The following SUPT3H variants were observed in gnomAD, a reference collection of about 807,000 sequenced individuals.
SUPT3H encodes the protein transcription initiation protein SPT3 homolog.
Under a neutral mutation model 44.3 loss-of-function variants are expected in SUPT3H, and 44 were observed. The observed-to-expected ratio is 0.99, with a 90% CI of 0.78 to 1.28. SUPT3H has a LOEUF of 1.28. SUPT3H is among the 50% of genes most tolerant of loss of function. The pLI is 0.00. For synonymous variants in SUPT3H, 124 were observed against 125.6 expected, an observed-to-expected ratio of 0.99 and a Z score of 0.09; for missense variants, 380 against 387.1, an observed-to-expected ratio of 0.98 and a Z score of 0.15.
intron 2 of SUPT3H, among the ~76,000 whole-genome samples, chr6:45,344,374 G>A (rs1308637788): frequency 2.0e-5 from 3 of 151,618 alleles, no homozygotes; most frequent in Non-Finnish European, 4.4e-5. Context: ...CTTGCCCTTA[G>A]CTATAAACAA....
At chr6:45,059,888 G>A (rs912132931) in intron 3 of SUPT3H, among the ~76,000 whole-genome samples, 3 of 152,064 alleles carry the variant, frequency 2.0e-5, no homozygotes, top group African/African-American at 7.2e-5. Flanking sequence ...TAGCTAACAA[G>A]GGAAGTGAAG....
chr6:45,182,076 A>G (rs1357816392), intron 2 of SUPT3H, among the ~76,000 whole-genome samples: 3 of 151,906 alleles, frequency 2.0e-5, no homozygotes, highest in Non-Finnish European at 4.4e-5. Flanking sequence ...ACCTTAATAA[A>G]TTTTTATGCA....
At chr6:44,961,859 A>C in intron 6 of SUPT3H, 31 bp from the exon 7 acceptor site, 1 of 1,505,558 alleles carries the variant, frequency 6.6e-7, no homozygotes, top group Non-Finnish European at 9.1e-7. Flanking sequence ...ACATTTTTTA[A>C]AGCAAGCAGA....
chr6:44,970,867 TC>T (rs1183170724), intron 6 of SUPT3H, among the ~76,000 whole-genome samples: 2 of 152,232 alleles, frequency 1.3e-5, no homozygotes, highest in African/African-American at 4.8e-5. Flanking sequence ...GAACTGCAGA[TC>T]TTTCCATCTT....
chr6:44,964,536 C>G (rs72865980), intron 6 of SUPT3H, among the ~76,000 whole-genome samples: 2,217 of 152,228 alleles, frequency 0.015, 25 homozygotes, highest in South Asian at 0.029. Context: ...GTTAAGGTTG[C>G]CAGGATTGCC....
intron 3 of SUPT3H, among the ~76,000 whole-genome samples, chr6:45,084,654 A>G (rs1223171755): frequency 2.0e-5 from 3 of 152,166 alleles, no homozygotes; most frequent in African/African-American, 7.2e-5. Flanking sequence ...CCAAAACCAC[A>G]CATGCACTCA....
intron 2 of SUPT3H, among the ~76,000 whole-genome samples, chr6:45,210,129 A>C (rs1238363060): frequency 6.6e-5 from 10 of 152,202 alleles, no homozygotes; most frequent in Non-Finnish European, 1.5e-5. Context: ...ACTGGAAAGG[A>C]AAATAAATCT....
intron 3 of SUPT3H, among the ~76,000 whole-genome samples, chr6:45,070,238 C>T (rs1438855661): frequency 1.3e-5 from 2 of 151,808 alleles, no homozygotes; most frequent in Non-Finnish European, 2.9e-5. Context: ...CCCATTTTAT[C>T]GAAAAAATAT....
At chr6:45,041,238 G>C (rs1788486528) in intron 3 of SUPT3H, among the ~76,000 whole-genome samples, 2 of 152,200 alleles carry the variant, frequency 1.3e-5, no homozygotes. Flanking sequence ...CACTGAAACT[G>C]CACTTAAAGG....
At chr6:45,106,084 G>T in intron 2 of SUPT3H, 78 bp from the exon 3 acceptor site, 1 of 1,173,480 alleles carries the variant, frequency 8.5e-7, no homozygotes, top group Non-Finnish European at 1.3e-6. Flanking sequence ...TTTATTACAT[G>T]AATCAGTTTA....
At chr6:45,009,574 T>TC (rs1441393840) in intron 5 of SUPT3H, among the ~76,000 whole-genome samples, 2 of 152,168 alleles carry the variant, frequency 1.3e-5, no homozygotes, top group African/African-American at 4.8e-5. Context: ...ATGGCTATTT[T>TC]TTCCCTATCA....
intron 3 of SUPT3H, among the ~76,000 whole-genome samples, chr6:45,043,614 A>G (rs1788930466): frequency 6.6e-6 from 1 of 152,292 alleles, no homozygotes; most frequent in South Asian, 2.1e-4. Flanking sequence ...TGAAGAACAA[A>G]AAGAGGTGAA....
At chr6:45,312,331 A>T (rs908201858) in intron 2 of SUPT3H, among the ~76,000 whole-genome samples, 10 of 152,174 alleles carry the variant, frequency 6.6e-5, no homozygotes, top group Non-Finnish European at 1.2e-4. Context: ...TGGCTAACAC[A>T]GTGAAACCCT....
intron 2 of SUPT3H, among the ~76,000 whole-genome samples, chr6:45,189,684 C>T (rs1814822504): frequency 6.6e-6 from 1 of 152,174 alleles, no homozygotes; most frequent in South Asian, 2.1e-4. Context: ...AAGTCCTCAC[C>T]ACCAAAGAAA....
At chr6:45,154,303 G>A (rs1234085027) in intron 2 of SUPT3H, among the ~76,000 whole-genome samples, 3 of 152,000 alleles carry the variant, frequency 2.0e-5, no homozygotes, top group Admixed American at 6.6e-5. Flanking sequence ...CTTAGTCAAT[G>A]TCTGTTCAAT....
In SUPT3H at chr6:45,137,452, A is replaced by G. The variant is rs79892078; in HGVS notation, c.102-31446T>C. 5.5e-3 allele frequency among the ~76,000 whole-genome samples: 830 copies of G among 152,162 alleles called. 13 individuals carry two copies. The highest frequency in any genetic ancestry group is 0.019 in the African/African-American group (799 of 41,564). ...AAAAGCAACAATTACAACAACGTAC[A>G]CCAGGTTTAAATATACCATATGTCT... is the stretch of plus-strand genomic sequence containing the variant. On this transcript the variant is annotated intron_variant, in intron 2 of 10. Transcript: ENST00000371459.
intron 10 of SUPT3H, among the ~76,000 whole-genome samples, chr6:44,855,762 C>T (rs1391567377): frequency 6.6e-6 from 1 of 151,576 alleles, no homozygotes. Context: ...CAATCAGAGA[C>T]ACTTTTGACT....
chr6:44,983,274 T>G (rs575535174), intron 6 of SUPT3H, among the ~76,000 whole-genome samples: 6 of 152,290 alleles, frequency 3.9e-5, no homozygotes, highest in African/African-American at 1.4e-4. Context: ...TAGGTAAAAG[T>G]GGACATTCTA....
intron 2 of SUPT3H, among the ~76,000 whole-genome samples, chr6:45,177,718 C>A (rs527731225): frequency 6.6e-6 from 1 of 151,958 alleles, no homozygotes; most frequent in Non-Finnish European, 1.5e-5. Flanking sequence ...AACAGCTGAT[C>A]TCTCAGCAGA....
Sources: gnomAD v4.1 joint callset for allele counts (sites outside exome capture counted in the v4.1 genomes callset) on GRCh38, gnomAD v4.1.1 for gene constraint, MANE v1.5 for transcripts, NCBI Gene and HGNC (gene_info 2026-07-23, HGNC 2026-07-21) for gene names.